ZNF229: variants seen among roughly 807,000 people sequenced by gnomAD.
The protein encoded by ZNF229 is zinc finger protein 229.
Under a neutral mutation model 11.8 loss-of-function variants are expected in ZNF229, and 10 were observed. That is an observed-to-expected ratio of 0.85 (90% CI 0.52 to 1.44). The LOEUF (loss-of-function observed/expected upper bound fraction) is 1.44, where lower values mean the gene tolerates loss of function less well. Ranked by LOEUF, ZNF229 falls within the 40% of genes most tolerant of loss-of-function variation. ZNF229 has a pLI of 0.00. For synonymous variants in ZNF229, 368 were observed against 374.8 expected, an observed-to-expected ratio of 0.98 and a Z score of 0.21; for missense variants, 1,045 against 1,015.1, an observed-to-expected ratio of 1.03 and a Z score of -0.40.
Position 44,442,953 on chromosome 19 carries a change from C to T in ZNF229, c.-106G>A. ...CCAGGCCTTTTTCATTCCGGAAACT[C>T]TCCAAGCTCTGACAAGTTCCTGTCT... On this transcript the variant is annotated 5_prime_UTR_variant, in exon 3 of 6. Coordinates refer to ENST00000614049, the MANE Select transcript of ZNF229 (RefSeq NM_014518.4). The T allele has an allele frequency of 7.4e-7, 1 of 1,352,352 alleles. No individual in the cohort carries two copies. Among genetic ancestry groups the T allele is most frequent in the South Asian group, 1.2e-5 (1 of 84,662 alleles). The allele number at this position is 1,352,352 out of a possible 1,614,324, so 83.8% of individuals were successfully genotyped here. A position where few individuals can be genotyped will look rare whatever the true frequency, so the allele number is the denominator to read the frequency against.
intron 5 of ZNF229, 134 bp from the exon 6 acceptor site, chr19:44,430,676 T>C (rs764604696): frequency 2.5e-4 from 198 of 778,244 alleles, no homozygotes; most frequent in Middle Eastern, 3.8e-4. Context: ...AGAGCACTTA[T>C]GTTTATGACA....
chr19:44,428,521 G>T lies in ZNF229; in HGVS notation c.2260C>A (p.His754Asn). The T allele has an allele frequency of 1.2e-6, 2 of 1,610,328 alleles. No homozygotes were observed. The highest frequency in any genetic ancestry group is 1.7e-6 in the Non-Finnish European group (2 of 1,179,016). The change falls in exon 6 of 6, where the codon CAT (histidine) becomes AAT (asparagine). Residue 754 changes from histidine (H) to asparagine (N), a missense_variant. His to Asn is a moderately conservative substitution (Grantham distance 68). Transcript: ENST00000614049. ...VCGKGYSQSSHLQGHQRVHTG... is the reference protein window; with the variant it reads ...VCGKGYSQSSNLQGHQRVHTG... ...TGGACCCTCTGATGACCTTGAAGAT[G>T]TGAGCTCTGACTATAGCCCTTCCCA...
intron 4 of ZNF229, among the ~76,000 whole-genome samples, chr19:44,438,651 G>A (rs527347454): frequency 1.3e-5 from 2 of 152,234 alleles, no homozygotes; most frequent in South Asian, 4.2e-4. Context: ...AGGATTAGAG[G>A]ATTAGACTTA....
Position 44,428,521 on chromosome 19 carries a change from G to A in ZNF229, c.2260C>T (p.His754Tyr), listed in dbSNP as rs1971626198. The change falls in exon 6 of 6, where the codon CAT (histidine) becomes TAT (tyrosine). Residue 754 changes from histidine (H) to tyrosine (Y), a missense_variant. Coordinates refer to ENST00000614049, the MANE Select transcript of ZNF229 (RefSeq NM_014518.4). Reference protein sequence around the residue: ...VCGKGYSQSSHLQGHQRVHTG... With the variant: ...VCGKGYSQSSYLQGHQRVHTG... The stretch of plus-strand genomic sequence containing the variant: ...TGGACCCTCTGATGACCTTGAAGAT[G>A]TGAGCTCTGACTATAGCCCTTCCCA... The A allele has an allele frequency of 1.9e-6, 3 of 1,610,208 alleles. No individual in the cohort carries two copies. The highest frequency in any genetic ancestry group is 2.3e-5 in the East Asian group (1 of 43,440).
At position 44,442,628 on chromosome 19, in the gene ZNF229, G is replaced by A. The variant is rs770953567; in HGVS notation, c.35-7C>T. On this transcript the variant is annotated splice_region_variant and splice_polypyrimidine_tract_variant and intron_variant, in intron 3 of 5. Transcript: ENST00000614049. Reference sequence around the variant, plus strand: ...GAGGCTTGAGAATGAAGAGCTGTAGGAGGAGAAAGAGGCCATGAGGAGGAG... The same window carrying A: ...GAGGCTTGAGAATGAAGAGCTGTAGAAGGAGAAAGAGGCCATGAGGAGGAG... 2 of 1,614,026 alleles carry A rather than the reference G, an allele frequency of 1.2e-6. No individual in the cohort carries two copies. The highest frequency in any genetic ancestry group is 1.1e-5 in the South Asian group (1 of 91,062).
chr19:44,447,145 C>A (rs557554695), intron 2 of ZNF229, among the ~76,000 whole-genome samples: 4 of 152,272 alleles, frequency 2.6e-5, no homozygotes, highest in African/African-American at 9.6e-5. Flanking sequence ...GAAATACATT[C>A]ATTTATTCAA....
At chr19:44,434,501 T>G (rs530806231) in intron 4 of ZNF229, among the ~76,000 whole-genome samples, 3 of 151,848 alleles carry the variant, frequency 2.0e-5, no homozygotes, top group East Asian at 3.9e-4. Flanking sequence ...AATGGTGGCC[T>G]GTGTTTTTAA....
intron 5 of ZNF229, 145 bp from the exon 6 acceptor site, chr19:44,430,687 A>C (rs765096252): frequency 2.8e-6 from 2 of 712,076 alleles, no homozygotes; most frequent in Non-Finnish European, 4.3e-6. Context: ...GTTTATGACA[A>C]GAGGAGGCTC....
chr19:44,434,011 C>T (rs189942987), intron 4 of ZNF229, among the ~76,000 whole-genome samples: 40 of 152,284 alleles, frequency 2.6e-4, no homozygotes, highest in African/African-American at 9.2e-4. Context: ...TCGTGATCTG[C>T]CTGGGTATTT....
chr19:44,442,922 G>A lies in ZNF229; in HGVS notation c.-75C>T, dbSNP rs1339228702. On this transcript the variant is annotated 5_prime_UTR_variant, in exon 3 of 6. Transcript: ENST00000614049. ...CTGGTTTTCCTAAGCTGGAGACGCA[G>A]AAGATCCAGGCCTTTTTCATTCCGG... 2 of 1,548,786 alleles carry A rather than the reference G, an allele frequency of 1.3e-6. No homozygotes were observed. Among genetic ancestry groups the A allele is most frequent in the Non-Finnish European group, 1.8e-6 (2 of 1,121,324 alleles).
In ZNF229 at chr19:44,429,428, G is replaced by A; in HGVS notation, c.1353C>T (p.His451=). 6.2e-7 allele frequency: 1 copy of A among 1,613,806 alleles called. No individual in the cohort carries two copies. The highest frequency in any genetic ancestry group is 2.2e-5 in the East Asian group (1 of 44,828). ...GCTTTTCTCCAGGGTGAATGTGCTGGTGTTTGTGCAGTGCAGACTTGGCAC... is the reference window on the plus strand; with the variant it reads ...GCTTTTCTCCAGGGTGAATGTGCTGATGTTTGTGCAGTGCAGACTTGGCAC... ...GFCAKSALHK[H]QHIHPGEKPY... Residue 451 remains histidine, a synonymous_variant, in exon 6 of 6, where the codon CAC becomes CAT. Coordinates refer to ENST00000614049, the MANE Select transcript of ZNF229 (RefSeq NM_014518.4).
rs1021054121 is a variant in ZNF229 at position 44,427,961 on chromosome 19, T to C, written c.*342A>G. 18 of 213,478 alleles carry C rather than the reference T, an allele frequency of 8.4e-5. No homozygotes were observed. The highest frequency in any genetic ancestry group is 8.1e-4 in the Admixed American group (16 of 19,778). 13.2% of individuals were successfully genotyped at this position (213,478 alleles called of 1,614,324 possible). A position where few individuals can be genotyped will look rare whatever the true frequency, so the allele number is the denominator to read the frequency against. The stretch of plus-strand genomic sequence containing the variant: ...AACCCACACAAAGAATCTATGTCCA[T>C]AATTAGCACCTTGGAAACATTCTCA... On this transcript the variant is annotated 3_prime_UTR_variant, in exon 6 of 6. Coordinates refer to ENST00000614049, the MANE Select transcript of ZNF229 (RefSeq NM_014518.4).
chr19:44,446,749 G>C (rs2571162), intron 2 of ZNF229, among the ~76,000 whole-genome samples: 15 of 152,268 alleles, frequency 9.9e-5, no homozygotes, highest in African/African-American at 3.6e-4. Context: ...GCTTACTTTC[G>C]GGTGGGTTAA....
chr19:44,429,505 G>C lies in ZNF229; in HGVS notation c.1276C>G (p.Leu426Val), dbSNP rs972752549. The change falls in exon 6 of 6, where the codon CTG (leucine) becomes GTG (valine). Residue 426 changes from leucine (L) to valine (V), a missense_variant. Physicochemically the swap from Leu to Val is conservative, Grantham distance 32 (BLOSUM62 1). Coordinates refer to ENST00000614049, the MANE Select transcript of ZNF229 (RefSeq NM_014518.4). ...YSSVLQVHQR[L>V]HTGEKPYTCS... Reference sequence around the variant, plus strand: ...GTGTAGGGCTTCTCCCCTGTGTGCAGCCTCTGATGGACTTGAAGCACTGAG... The same window carrying C: ...GTGTAGGGCTTCTCCCCTGTGTGCACCCTCTGATGGACTTGAAGCACTGAG... 1 of 1,611,752 alleles carries C rather than the reference G, an allele frequency of 6.2e-7. No homozygotes were observed. Among genetic ancestry groups the C allele is most frequent in the African/African-American group, 1.3e-5 (1 of 74,728 alleles).
chr19:44,442,810 T>A lies in ZNF229; in HGVS notation c.34+4A>T, dbSNP rs1600032149. ...CCCCACCCACCCCCTCTATTAGCTG[T>A]CACCTCTTTTCTCATGCCTTGAGGT... On this transcript the variant is annotated splice_donor_region_variant and intron_variant, in intron 3 of 5. Transcript: ENST00000614049. 1 of 1,588,380 alleles carries A rather than the reference T, an allele frequency of 6.3e-7. No homozygotes were observed. Among genetic ancestry groups the A allele is most frequent in the Non-Finnish European group, 8.6e-7 (1 of 1,158,874 alleles).
Position 44,429,005 on chromosome 19 carries a change from C to T in ZNF229, c.1776G>A (p.Arg592=). 1 of 1,613,100 alleles carries T rather than the reference C, an allele frequency of 6.2e-7. No homozygotes were observed. The highest frequency in any genetic ancestry group is 8.5e-7 in the Non-Finnish European group (1 of 1,179,738). ...RRNSDLHSHQ[R]VHTGERPYVC... ...CGTAGGGCCTCTCTCCCGTGTGGAC[C>T]CTCTGGTGGCTGTGAAGGTCTGAAT... is the stretch of plus-strand genomic sequence containing the variant. The change falls in exon 6 of 6, where the codon AGG becomes AGA. Residue 592 remains arginine, a synonymous_variant. Transcript: ENST00000614049.
At chr19:44,442,388 A>G (rs1012743308) in intron 4 of ZNF229, among the ~76,000 whole-genome samples, 175 bp downstream of exon 4, 1 of 152,152 alleles carries the variant, frequency 6.6e-6, no homozygotes, top group African/African-American at 2.4e-5. Context: ...TCATTTCTTC[A>G]TCTCTAAAAC....
chr19:44,446,893 C>A (rs1972012670), intron 2 of ZNF229, among the ~76,000 whole-genome samples: 1 of 152,102 alleles, frequency 6.6e-6, no homozygotes, highest in South Asian at 2.1e-4. Context: ...GTGGAAAGAG[C>A]AACATTAAAT....
rs1971665926 is a variant in ZNF229 at position 44,429,523 on chromosome 19, G to A, written c.1258C>T (p.Leu420Phe). ...GTGTGCAGCCTCTGATGGACTTGAA[G>A]CACTGAGCTGTAACTGAAGCCCTTC... ...CGKGFSYSSVLQVHQRLHTGE... is the reference protein window; with the variant it reads ...CGKGFSYSSVFQVHQRLHTGE... The change falls in exon 6 of 6, where the codon CTT becomes TTT. Residue 420 changes from leucine (L) to phenylalanine (F), a missense_variant. Leu to Phe is a conservative substitution (Grantham distance 22, BLOSUM62 0). Transcript: ENST00000614049. 1 of 1,612,134 alleles carries A rather than the reference G, an allele frequency of 6.2e-7. No individual in the cohort carries two copies. Among genetic ancestry groups the A allele is most frequent in the Admixed American group, 1.7e-5 (1 of 59,900 alleles).
Sources: allele counts gnomAD v4.1 joint callset (sites outside exome capture counted in the v4.1 genomes callset), GRCh38; gene constraint gnomAD v4.1.1; transcripts MANE v1.5; gene names NCBI Gene and HGNC (gene_info 2026-07-23, HGNC 2026-07-21).